The following ZNF787 variants were observed in gnomAD, a reference collection of about 807,000 sequenced individuals.
ZNF787 encodes zinc finger protein 787.
A neutral mutation model predicts 16.9 loss-of-function variants in ZNF787; 7 were observed. The observed-to-expected ratio is 0.42, with a 90% CI of 0.24 to 0.78. ZNF787 has a LOEUF of 0.78. Among genes scored for constraint, ZNF787 ranks in the 30% least tolerant of loss-of-function variants. The pLI, the probability that ZNF787 is intolerant of heterozygous loss-of-function variation, is 0.30. For missense variants in ZNF787, 551 were observed against 589.3 expected, an observed-to-expected ratio of 0.94 and a Z score of 0.67; for synonymous variants, 345 against 270.9, an observed-to-expected ratio of 1.27 and a Z score of -2.69.
Position 56,103,155 on chromosome 19 carries a change from G to A in ZNF787, c.63C>T (p.Ala21=). 2 of 1,603,832 alleles carry A rather than the reference G, an allele frequency of 1.2e-6. No homozygotes were observed. Among genetic ancestry groups the A allele is most frequent in the Non-Finnish European group, 1.7e-6 (2 of 1,174,086 alleles). The change falls in exon 2 of 3, where the codon GCC becomes GCT. Residue 21 remains alanine, a synonymous_variant. Coordinates refer to ENST00000610935, the MANE Select transcript of ZNF787 (RefSeq NM_001002836.4). ...GCTGCTCACCTGGGTTCTCGTGACTGGCCATCTGCTGGTCCTCAGAATCCA... is the reference window on the plus strand; with the variant it reads ...GCTGCTCACCTGGGTTCTCGTGACTAGCCATCTGCTGGTCCTCAGAATCCA... ...GPLDSEDQQM[A]SHENPVDILI... is the part of the protein sequence containing the mutation.
At chr19:56,109,625 G>A (rs376845090) in intron 1 of ZNF787, among the ~76,000 whole-genome samples, 9 of 152,130 alleles carry the variant, frequency 5.9e-5, no homozygotes, top group South Asian at 2.1e-4. Context: ...CGTGCGCAGC[G>A]GCTCACACCT....
At chr19:56,093,069 A>C (rs148160534) in intron 2 of ZNF787, among the ~76,000 whole-genome samples, 89 of 150,836 alleles carry the variant, frequency 5.9e-4, no homozygotes, top group African/African-American at 2.1e-3. Context: ...TACCCCATAG[A>C]CACGGGGTAG....
chr19:56,091,693 C>G (rs965147121), intron 2 of ZNF787, among the ~76,000 whole-genome samples: 1 of 152,174 alleles, frequency 6.6e-6, no homozygotes, highest in Non-Finnish European at 1.5e-5. Flanking sequence ...TTTCTAAGTA[C>G]GAGTTAAGCA....
At position 56,088,797 on chromosome 19, in the gene ZNF787, C is replaced by T; in HGVS notation, c.375G>A (p.Leu125=). The T allele has an allele frequency of 6.2e-7, 1 of 1,610,868 alleles. No homozygotes were observed. Among genetic ancestry groups the T allele is most frequent in the Non-Finnish European group, 8.5e-7 (1 of 1,178,870 alleles). The change falls in exon 3 of 3, where the codon TTG becomes TTA. Residue 125 remains leucine (L), a synonymous_variant. Transcript: ENST00000610935. This position sits in a 1 kb window ranked among gnomAD's most constrained non-coding sequence, Gnocchi z 8.6. Reference sequence around the variant, plus strand: ...TCCAGCTGAAGCGCTTGCCGCACTCCAAGCAGGCGTAGGGCTTCTCGCCCG... The same window carrying T: ...TCCAGCTGAAGCGCTTGCCGCACTCTAAGCAGGCGTAGGGCTTCTCGCCCG... ...IHTGEKPYAC[L]ECGKRFSWSS... is the part of the protein sequence containing the mutation.
At chr19:56,103,056 G>T in intron 2 of ZNF787, 83 bp downstream of exon 2, 1 of 1,486,710 alleles carries the variant, frequency 6.7e-7, no homozygotes, top group Admixed American at 1.7e-5. Context: ...AGGGAAGGGG[G>T]GTTTCCTCCC....
intron 1 of ZNF787, among the ~76,000 whole-genome samples, chr19:56,117,949 G>A (rs2030185484): frequency 6.6e-6 from 1 of 152,258 alleles, no homozygotes; most frequent in Non-Finnish European, 1.5e-5. Context: ...TTTAGCACAA[G>A]AGAGACGTCC....
In ZNF787 at chr19:56,087,768, C is replaced by T. The variant is rs759719798; in HGVS notation, c.*255G>A. ...TCTGCAGTTCTCTCCATTGTCTCTCCGGCTCGCAGGCCGATAACTTAGGAA... is the reference window on the plus strand; with the variant it reads ...TCTGCAGTTCTCTCCATTGTCTCTCTGGCTCGCAGGCCGATAACTTAGGAA... On this transcript the variant is annotated 3_prime_UTR_variant, in exon 3 of 3. Coordinates refer to ENST00000610935, the MANE Select transcript of ZNF787 (RefSeq NM_001002836.4). 2.2e-6 allele frequency: 1 copy of T among 459,260 alleles called. No homozygotes were observed. Among genetic ancestry groups the T allele is most frequent in the Non-Finnish European group, 3.3e-6 (1 of 303,370 alleles). The allele number at this position is 459,260 out of a possible 1,614,324, so 28.4% of individuals were successfully genotyped here.
chr19:56,088,383 C>T lies in ZNF787; in HGVS notation c.789G>A (p.Gly263=), dbSNP rs1428775887. The T allele has an allele frequency of 9.1e-7, 1 of 1,104,394 alleles. No individual in the cohort carries two copies. The highest frequency in any genetic ancestry group is 5.3e-5 in the East Asian group (1 of 18,842). The allele number at this position is 1,104,394 out of a possible 1,614,324, so 68.4% of individuals were successfully genotyped here. ...GCGACCGGGGCCCCGCGGCCTTTGC[C>T]CCCGCGCCCGCCATGGCTGCCGCGG... ...AAAAAAMAGA[G]AKAAGPRSRR... Residue 263 remains glycine, a synonymous_variant, in exon 3 of 3, where the codon GGG becomes GGA. Coordinates refer to ENST00000610935, the MANE Select transcript of ZNF787 (RefSeq NM_001002836.4). This position sits in a 1 kb window ranked among gnomAD's most constrained non-coding sequence, Gnocchi z 8.6.
chr19:56,107,604 GC>G (rs35277627), intron 1 of ZNF787, among the ~76,000 whole-genome samples: 2,054 of 151,660 alleles, frequency 0.014, 27 homozygotes, highest in South Asian at 0.023. Context: ...CACCAGGAGG[GC>G]CGAGGTCCTG....
chr19:56,091,118 T>G (rs529964426), intron 2 of ZNF787, among the ~76,000 whole-genome samples: 34 of 152,228 alleles, frequency 2.2e-4, no homozygotes, highest in Admixed American at 1.8e-3. Flanking sequence ...TACTTAAAGA[T>G]GTAGAGAGAA....
At chr19:56,092,160 C>A (rs28662309) in intron 2 of ZNF787, among the ~76,000 whole-genome samples, 3 of 152,088 alleles carry the variant, frequency 2.0e-5, no homozygotes, top group African/African-American at 4.8e-5. Context: ...GAGAAGAGCA[C>A]GGTGAGGAGC....
chr19:56,088,771 C>T lies in ZNF787; in HGVS notation c.401G>A (p.Ser134Asn). 6.2e-7 allele frequency: 1 copy of T among 1,612,050 alleles called. No homozygotes were observed. Among genetic ancestry groups the T allele is most frequent in the Non-Finnish European group, 8.5e-7 (1 of 1,179,292 alleles). ...GCGCTGGTGCTGCATGAGGTTGGAG[C>T]TCCAGCTGAAGCGCTTGCCGCACTC... Reference protein sequence around the residue: ...CLECGKRFSWSSNLMQHQRIH... With the variant: ...CLECGKRFSWNSNLMQHQRIH... The change falls in exon 3 of 3, where the codon AGC becomes AAC. Residue 134 changes from serine (S) to asparagine (N), a missense_variant. Ser to Asn is a conservative substitution (Grantham distance 46, BLOSUM62 1). Transcript: ENST00000610935. The surrounding 1 kb of genome is among the most constrained non-coding windows in gnomAD (Gnocchi z 8.6).
intron 2 of ZNF787, among the ~76,000 whole-genome samples, chr19:56,098,520 G>A (rs549339256): frequency 5.6e-5 from 8 of 141,946 alleles, no homozygotes; most frequent in Non-Finnish European, 3.0e-5. Context: ...TGATACAGCC[G>A]CAGGGTGATG....
At chr19:56,091,921 G>C (rs1316914424) in intron 2 of ZNF787, among the ~76,000 whole-genome samples, 2 of 98,634 alleles carry the variant, frequency 2.0e-5, no homozygotes, top group Non-Finnish European at 3.8e-5. Context: ...CGCAGCCGCA[G>C]CCGAAGCCGA....
intron 1 of ZNF787, among the ~76,000 whole-genome samples, chr19:56,103,638 G>A (rs1025823973): frequency 2.0e-5 from 3 of 152,162 alleles, no homozygotes; most frequent in Non-Finnish European, 2.9e-5. Context: ...TGCCAAACAG[G>A]GACTGGAGTT....
chr19:56,097,810 C>T (rs961326651), intron 2 of ZNF787, among the ~76,000 whole-genome samples: 19 of 152,172 alleles, frequency 1.2e-4, no homozygotes, highest in African/African-American at 4.3e-4. Context: ...GGACACACAG[C>T]ACCCTGCTGT....
chr19:56,113,284 C>T (rs1217483387), intron 1 of ZNF787, among the ~76,000 whole-genome samples: 3 of 152,224 alleles, frequency 2.0e-5, no homozygotes, highest in East Asian at 1.9e-4. Flanking sequence ...ATTGCTGGTG[C>T]GGGCGCCATA....
chr19:56,102,706 G>C (rs1986146655), intron 2 of ZNF787: 3 of 555,860 alleles, frequency 5.4e-6, no homozygotes, highest in South Asian at 4.9e-5. Flanking sequence ...TCAGCCTGCG[G>C]GTTCCCTGCG....
chr19:56,101,135 G>A (rs924747175), intron 2 of ZNF787, among the ~76,000 whole-genome samples: 5 of 146,514 alleles, frequency 3.4e-5, no homozygotes, highest in Non-Finnish European at 1.5e-5. Flanking sequence ...TAGGAGGGAC[G>A]CATGTAGGCG....
Sources: gnomAD v4.1 joint callset for allele counts (sites outside exome capture counted in the v4.1 genomes callset) on GRCh38, gnomAD v4.1.1 for gene constraint, Gnocchi (gnomAD v3.1) non-coding constraint, MANE v1.5 for transcripts, NCBI Gene and HGNC (gene_info 2026-07-23, HGNC 2026-07-21) for gene names.